The following ERG variants were observed in gnomAD, a reference collection of about 807,000 sequenced individuals.
ERG encodes transcriptional regulator ERG.
Under a neutral mutation model 55.3 loss-of-function variants are expected in ERG, and 9 were observed. The ratio of observed to expected loss-of-function variants is 0.16; its 90% CI spans 0.10 to 0.28. The LOEUF is 0.28. Among genes scored for constraint, ERG ranks in the 10% least tolerant of loss-of-function variants. The probability of loss-of-function intolerance (pLI) is 1.00; values close to 1 mark genes in which losing one functional copy is unlikely to be tolerated. For missense variants in ERG, 434 were observed against 631.6 expected (o/e 0.69, Z 3.35); for synonymous variants, 223 against 237.3 (o/e 0.94, Z 0.55).
intron 1 of ERG, among the ~76,000 whole-genome samples, chr21:38,468,090 A>G (rs545871044): frequency 2.6e-5 from 4 of 152,336 alleles, no homozygotes; most frequent in Admixed American, 2.6e-4. Context: ...CTTAGTCCAC[A>G]AGGTGACGTG....
intron 2 of ERG, among the ~76,000 whole-genome samples, chr21:38,508,006 C>A (rs117488833): frequency 5.7e-5 from 4 of 70,270 alleles, no homozygotes; most frequent in Non-Finnish European, 6.4e-5. Flanking sequence ...CATGCACACA[C>A]ACAGAGACAC....
chr21:38,391,998 A>C (rs925970919), intron 7 of ERG, among the ~76,000 whole-genome samples: 2 of 152,228 alleles, frequency 1.3e-5, no homozygotes, highest in African/African-American at 4.8e-5. Flanking sequence ...AACAGATTAC[A>C]ATAAATCATA....
chr21:38,419,939 C>T (rs2068967), intron 3 of ERG, among the ~76,000 whole-genome samples: 71,547 of 151,986 alleles, frequency 0.47, 17,124 homozygotes, highest in East Asian at 0.7. Context: ...GTACAAATTT[C>T]CTCATCAGTG....
chr21:38,438,697 T>C (rs1030725051), intron 2 of ERG, among the ~76,000 whole-genome samples: 2 of 152,312 alleles, frequency 1.3e-5, no homozygotes, highest in Admixed American at 6.5e-5. Flanking sequence ...AGGAGGTATT[T>C]CTCAACTCAG....
the ERG span, among the ~76,000 whole-genome samples, chr21:38,371,920 GA>G: frequency 7.2e-5 from 11 of 151,884 alleles, no homozygotes; most frequent in African/African-American, 2.4e-4. Context: ...CATATTTTGG[GA>G]AATTTTGGAC....
At chr21:38,595,077 T>C (rs1324837255) in intron 1 of ERG, among the ~76,000 whole-genome samples, 1 of 152,056 alleles carries the variant, frequency 6.6e-6, no homozygotes, top group Non-Finnish European at 1.5e-5. Context: ...GGCACATTGG[T>C]TGGACGATGA....
At chr21:38,528,832 G>GT (rs2059651222) in intron 2 of ERG, among the ~76,000 whole-genome samples, 1 of 152,094 alleles carries the variant, frequency 6.6e-6, no homozygotes, top group South Asian at 2.1e-4. Context: ...GATTTAGCCA[G>GT]TTTTTTAAGC....
intron 1 of ERG, among the ~76,000 whole-genome samples, chr21:38,597,046 T>C (rs1269736605): frequency 6.6e-6 from 1 of 152,212 alleles, no homozygotes; most frequent in African/African-American, 2.4e-5. Flanking sequence ...GCTGTTCTTT[T>C]TAATGGTAAT....
intron 1 of ERG, among the ~76,000 whole-genome samples, chr21:38,469,435 C>T (rs1444164416): frequency 1.3e-5 from 2 of 152,196 alleles, no homozygotes; most frequent in Non-Finnish European, 1.5e-5. Context: ...TGCTCACGAA[C>T]ACCATCACAT....
At chr21:38,636,290 T>C (rs1248385398) in intron 1 of ERG, among the ~76,000 whole-genome samples, 2 of 152,192 alleles carry the variant, frequency 1.3e-5, no homozygotes, top group Non-Finnish European at 2.9e-5. Flanking sequence ...TATGTACTTA[T>C]AGGAGCCTAA....
chr21:38,392,580 C>T, intron 6 of ERG, 136 bp from the exon 7 acceptor site: 1 of 592,596 alleles, frequency 1.7e-6, no homozygotes, highest in South Asian at 2.7e-5. Context: ...AAATATCCCA[C>T]TAGATTTGAG....
At chr21:38,485,927 T>G (rs2146661956) in intron 1 of ERG, among the ~76,000 whole-genome samples, 1 of 151,892 alleles carries the variant, frequency 6.6e-6, no homozygotes, top group Non-Finnish European at 1.5e-5. Flanking sequence ...TTTCCCTTCT[T>G]AATAATAATA....
At chr21:38,376,651 T>C (rs368627749), downstream of ERG, among the ~76,000 whole-genome samples, 20 of 152,382 alleles carry the variant, frequency 1.3e-4, no homozygotes, top group African/African-American at 3.6e-4. Context: ...CCTGCCGGAC[T>C]TGAGAGGGCC....
chr21:38,468,982 C>CAAAAAAAAAAAAAAAAAAA (rs1261630693), intron 1 of ERG, among the ~76,000 whole-genome samples: 9 of 28,984 alleles, frequency 3.1e-4, no homozygotes, highest in African/African-American at 5.3e-4. Context: ...GACTCTGTCT[C>CAAAAAAAAAAAAAAAAAAA]AAAAAAAAAA....
chr21:38,439,974 G>A (rs148599130), intron 2 of ERG, among the ~76,000 whole-genome samples: 381 of 152,330 alleles, frequency 2.5e-3, no homozygotes, highest in African/African-American at 8.5e-3. Context: ...GGCAGAAGGA[G>A]GTGGGCCATG....
At chr21:38,415,163 G>A (rs565544783) in intron 3 of ERG, among the ~76,000 whole-genome samples, 2 of 152,312 alleles carry the variant, frequency 1.3e-5, no homozygotes, top group East Asian at 1.9e-4. Context: ...AACTGGGTTC[G>A]AATCCTGGCT....
chr21:38,400,016 A>C, intron 6 of ERG: 1 of 223,386 alleles, frequency 4.5e-6, no homozygotes, highest in African/African-American at 2.3e-5. Context: ...GTTCATCTAT[A>C]TATTCCCAGA....
At chr21:38,490,734 G>A (rs186428855) in intron 1 of ERG, among the ~76,000 whole-genome samples, 3 of 152,240 alleles carry the variant, frequency 2.0e-5, no homozygotes, top group Non-Finnish European at 2.9e-5. Flanking sequence ...GGAGAGGTGC[G>A]TTCACCTGGG....
chr21:38,521,107 C>A (rs948503766), intron 2 of ERG, among the ~76,000 whole-genome samples: 2 of 152,084 alleles, frequency 1.3e-5, no homozygotes, highest in African/African-American at 4.8e-5. Context: ...GACAGAAGAG[C>A]CAGCCGACAG....
Sources: allele counts gnomAD v4.1 joint callset (sites outside exome capture counted in the v4.1 genomes callset), GRCh38; gene constraint gnomAD v4.1.1; transcripts MANE v1.5; gene names NCBI Gene and HGNC (gene_info 2026-07-23, HGNC 2026-07-21).